The following GASK1A variants were observed in gnomAD, a reference collection of about 807,000 sequenced individuals.
GASK1A encodes Golgi-associated kinase 1A.
Under a neutral mutation model 41.2 loss-of-function variants are expected in GASK1A, and 40 were observed. That is an observed-to-expected ratio of 0.97 (90% CI 0.75 to 1.27). The LOEUF is 1.27. GASK1A is among the 50% of genes most tolerant of loss of function. GASK1A has a pLI of 0.00. For synonymous variants in GASK1A, 316 were observed against 307.1 expected (o/e 1.03, Z -0.30); for missense variants, 678 against 745.1 (o/e 0.91, Z 1.05).
chr3:42,990,969 T>C (rs909344627), intron 1 of GASK1A, among the ~76,000 whole-genome samples: 1 of 151,990 alleles, frequency 6.6e-6, no homozygotes, highest in Non-Finnish European at 1.5e-5. Flanking sequence ...TGGGTGCGGT[T>C]ATCTCACTCT....
chr3:43,023,749 G>T (rs1476884429), intron 1 of GASK1A, among the ~76,000 whole-genome samples: 6 of 152,116 alleles, frequency 3.9e-5, no homozygotes, highest in Admixed American at 1.3e-4. Flanking sequence ...GGGTGACAAG[G>T]CATCATTTGT....
chr3:42,989,241 C>A (rs2089328582), intron 1 of GASK1A, among the ~76,000 whole-genome samples: 1 of 152,108 alleles, frequency 6.6e-6, no homozygotes, highest in Non-Finnish European at 1.5e-5. Context: ...GAGCAAGGAA[C>A]ACATTTCCTA....
chr3:43,009,744 C>T (rs965611146), intron 1 of GASK1A, among the ~76,000 whole-genome samples: 5 of 152,182 alleles, frequency 3.3e-5, no homozygotes, highest in African/African-American at 4.8e-5. Flanking sequence ...TGGTGGAGAC[C>T]TCAGGTGGTG....
At chr3:43,011,247 T>A (rs994330487) in intron 1 of GASK1A, among the ~76,000 whole-genome samples, 3 of 152,008 alleles carry the variant, frequency 2.0e-5, no homozygotes, top group African/African-American at 7.3e-5. Flanking sequence ...CTGGGTGTGG[T>A]GGCGTGCGCC....
At chr3:43,000,056 A>G (rs1279393256) in intron 1 of GASK1A, among the ~76,000 whole-genome samples, 2 of 152,188 alleles carry the variant, frequency 1.3e-5, no homozygotes, top group Non-Finnish European at 2.9e-5. Flanking sequence ...CCTTAACTTT[A>G]TCACATATGC....
chr3:43,004,532 T>C (rs2089425415), intron 1 of GASK1A, among the ~76,000 whole-genome samples: 1 of 152,204 alleles, frequency 6.6e-6, no homozygotes, highest in Admixed American at 6.5e-5. Context: ...CCACAGCTTC[T>C]TTGGAGTTCC....
intron 1 of GASK1A, among the ~76,000 whole-genome samples, chr3:43,029,273 G>C (rs1460866043): frequency 1.3e-5 from 2 of 152,106 alleles, no homozygotes; most frequent in Non-Finnish European, 2.9e-5. Flanking sequence ...GGGAGTGATT[G>C]TGTCTCCCGG....
Position 43,053,329 on chromosome 3 carries a change from C to T in GASK1A, c.1291-192C>T, listed in dbSNP as rs375816515. ...AGGCATGAGCAAACAGCTCCTGGTG[C>T]GCAGAGTGATCTGGCCAGAGGAGGA... On this transcript the variant is annotated intron_variant, in intron 2 of 4. Coordinates refer to ENST00000430121, the MANE Select transcript of GASK1A (RefSeq NM_001129908.3). 4.4e-4 allele frequency among the ~76,000 whole-genome samples: 67 copies of T among 152,312 alleles called. No individual in the cohort carries two copies. The South Asian group carries it at 0.011, about 25-fold the overall frequency.
chr3:43,049,603 T>C (rs940234313), intron 2 of GASK1A, among the ~76,000 whole-genome samples: 1 of 56,700 alleles, frequency 1.8e-5, no homozygotes, highest in Admixed American at 2.7e-4. Context: ...GCTAAACTTG[T>C]TTTTTTTACT....
At chr3:43,004,521 A>ACCACAG (rs1159828736) in intron 1 of GASK1A, among the ~76,000 whole-genome samples, 1 of 152,212 alleles carries the variant, frequency 6.6e-6, no homozygotes, top group Non-Finnish European at 1.5e-5. Flanking sequence ...GGATAGCTCA[A>ACCACAG]CCACAGCTTC....
chr3:43,034,980 TCTC>T (rs1257234831), intron 2 of GASK1A, among the ~76,000 whole-genome samples: 1 of 152,164 alleles, frequency 6.6e-6, no homozygotes. Flanking sequence ...GACTAGCTGA[TCTC>T]CTGTCGTCCT....
chr3:42,979,895 C>A (rs1057333633), intron 1 of GASK1A, among the ~76,000 whole-genome samples: 24 of 152,240 alleles, frequency 1.6e-4, no homozygotes, highest in African/African-American at 5.5e-4. Context: ...AATCTGCACT[C>A]CTTGACCTAA....
chr3:43,014,211 A>G (rs1575441610), intron 1 of GASK1A, among the ~76,000 whole-genome samples: 2 of 149,628 alleles, frequency 1.3e-5, no homozygotes, highest in African/African-American at 5.0e-5. Context: ...AGGTAGGGAC[A>G]GGGGGTAGTC....
At position 42,979,603 on chromosome 3, in the gene GASK1A, C is replaced by T. The variant is rs2089269532; in HGVS notation, c.-40C>T. The T allele has an allele frequency of 1.6e-6, 2 of 1,241,236 alleles. No homozygotes were observed. The allele number at this position is 1,241,236 out of a possible 1,614,324, so 76.9% of individuals were successfully genotyped here. A position where few individuals can be genotyped will look rare whatever the true frequency, so the allele number is the denominator to read the frequency against. On this transcript the variant is annotated 5_prime_UTR_variant, in exon 1 of 5. Transcript: ENST00000430121. ...GAGGCGGGATGAGTCTGCGAGCCGG[C>T]TGAGCGCGCCGAGGAGCCGGCCGGG...
Position 43,033,216 on chromosome 3 carries a change from G to C in GASK1A, c.953G>C (p.Gly318Ala). 6.4e-7 allele frequency: 1 copy of C among 1,551,674 alleles called. No homozygotes were observed. The highest frequency in any genetic ancestry group is 8.7e-7 in the Non-Finnish European group (1 of 1,146,982). The change falls in exon 2 of 5, where the codon GGC becomes GCC. Residue 318 changes from glycine (G) to alanine (A), a missense_variant. Coordinates refer to ENST00000430121, the MANE Select transcript of GASK1A (RefSeq NM_001129908.3). The part of the protein sequence containing the change: ...LSQLCSQGLC[G>A]LIKRPGDLPE... The stretch of plus-strand genomic sequence containing the variant: ...CAACTCTGTTCCCAAGGGCTCTGTG[G>C]CCTGATCAAGAGGCCTGGGGACCTG...
At chr3:43,052,788 A>G (rs555635921) in intron 2 of GASK1A, among the ~76,000 whole-genome samples, 52 of 152,316 alleles carry the variant, frequency 3.4e-4, no homozygotes, top group Admixed American at 1.2e-3. Context: ...AGATACTTAC[A>G]GCAGATACTA....
At chr3:43,008,431 T>C (rs1459312066) in intron 1 of GASK1A, among the ~76,000 whole-genome samples, 1 of 152,232 alleles carries the variant, frequency 6.6e-6, no homozygotes, top group Non-Finnish European at 1.5e-5. Context: ...AGGAGCTCTA[T>C]GCCCACGGTT....
intron 1 of GASK1A, among the ~76,000 whole-genome samples, chr3:43,015,860 G>A (rs1473792053): frequency 6.6e-6 from 1 of 151,820 alleles, no homozygotes; most frequent in African/African-American, 2.4e-5. Context: ...ACAGGAAGGG[G>A]CACTGTGAAG....
intron 1 of GASK1A, among the ~76,000 whole-genome samples, chr3:42,986,589 G>C (rs1176535649): frequency 6.6e-6 from 1 of 151,622 alleles, no homozygotes; most frequent in African/African-American, 2.4e-5. Flanking sequence ...AAGGAGCTGG[G>C]CTGGGACCAC....
Sources: allele counts gnomAD v4.1 joint callset (sites outside exome capture counted in the v4.1 genomes callset), GRCh38; gene constraint gnomAD v4.1.1; transcripts MANE v1.5; gene names NCBI Gene and HGNC (gene_info 2026-07-23, HGNC 2026-07-21).